The following ZNF888 variants were observed in gnomAD, a reference collection of about 807,000 sequenced individuals.
ZNF888 encodes zinc finger protein 888, also known as CTD-2331H12.6.
Under a neutral mutation model 7.2 loss-of-function variants are expected in ZNF888, and 5 were observed. That is an observed-to-expected ratio of 0.70 (90% CI 0.36 to 1.46). The LOEUF is 1.46. Ranked by LOEUF, ZNF888 falls within the 40% of genes most tolerant of loss-of-function variation. The pLI is 0.03. For synonymous variants in ZNF888, 240 were observed against 284.3 expected, an observed-to-expected ratio of 0.84 and a Z score of 1.57; for missense variants, 716 against 858.0, an observed-to-expected ratio of 0.83 and a Z score of 2.07.
Position 52,905,798 on chromosome 19 carries a change from C to G in ZNF888, c.*367G>C. On this transcript the variant is annotated 3_prime_UTR_variant, in exon 5 of 5. Transcript: ENST00000638862. Reference sequence around the variant, plus strand: ...TTTCTGATATTCTGCAAGGAGTGATCTCAGACTGAAGACCTTGCCACACTG... The same window carrying G: ...TTTCTGATATTCTGCAAGGAGTGATGTCAGACTGAAGACCTTGCCACACTG... 1 of 654,946 alleles carries G rather than the reference C, an allele frequency of 1.5e-6. No individual in the cohort carries two copies. The highest frequency in any genetic ancestry group is 1.4e-5 in the South Asian group (1 of 71,340). The allele number at this position is 654,946 out of a possible 1,614,324, so 40.6% of individuals were successfully genotyped here. A position where few individuals can be genotyped will look rare whatever the true frequency, so the allele number is the denominator to read the frequency against.
chr19:52,904,732 C>A lies in ZNF888; in HGVS notation c.*1433G>T, dbSNP rs2064588056. On this transcript the variant is annotated 3_prime_UTR_variant, in exon 5 of 5. Coordinates refer to ENST00000638862, the MANE Select transcript of ZNF888 (RefSeq NM_001393938.1). ...GGGTTTAGGCCAGGCAGGCCCAGGC[C>A]TGGTTTCAGGCCTGGCGCCGGGCTG... 6.6e-6 allele frequency: 1 copy of A among 152,170 alleles called. No homozygotes were observed. Among genetic ancestry groups the A allele is most frequent in the South Asian group, 2.1e-4 (1 of 4,830 alleles). 9.4% of individuals were successfully genotyped at this position (152,170 alleles called of 1,614,324 possible). A position where few individuals can be genotyped will look rare whatever the true frequency, so the allele number is the denominator to read the frequency against.
rs1450294999 is a variant in ZNF888, at chr19:52,919,503, C to T, written c.-177-566G>A. 8.5e-5 allele frequency among the ~76,000 whole-genome samples: 6 copies of T among 70,862 alleles called. 3 individuals are homozygous for T. Among genetic ancestry groups the T allele is most frequent in the Non-Finnish European group, 1.4e-4 (4 of 29,624 alleles). 46.5% of individuals were successfully genotyped at this position (70,862 alleles called of 152,430 possible). On this transcript the variant is annotated intron_variant, in intron 1 of 4. Transcript: ENST00000638862. ...GGAGTGCAGTGGCGTGATCTCCGCT[C>T]GCTACAACCTCCACCTCCCAGCCGC...
In ZNF888 at chr19:52,907,950, T is replaced by C. The variant is rs2064631486; in HGVS notation, c.372A>G (p.Gln124=). The C allele has an allele frequency of 1.2e-6, 2 of 1,614,192 alleles. No individual in the cohort carries two copies. Among genetic ancestry groups the C allele is most frequent in the East Asian group, 4.5e-5 (2 of 44,874 alleles). The change falls in exon 5 of 5, where the codon CAA becomes CAG. Residue 124 remains glutamine (Q), a synonymous_variant. Coordinates refer to ENST00000638862, the MANE Select transcript of ZNF888 (RefSeq NM_001393938.1). The part of the protein sequence containing the change: ...EIKELTGSTD[Q]YDQRHAGNKP... ...TGTTTCCAGCATGCCTTTGATCATA[T>C]TGGTCTGTACTACCCGTCAACTCTT...
chr19:52,917,981 G>T, intron 2 of ZNF888, 50 bp from the exon 3 acceptor site: 1 of 1,587,472 alleles, frequency 6.3e-7, no homozygotes, highest in Non-Finnish European at 8.5e-7. Flanking sequence ...ATTGCTCAGA[G>T]TCAACATACC....
In ZNF888 at chr19:52,906,471, G is replaced by C. The variant is rs1452220661; in HGVS notation, c.1851C>G (p.Ile617Met). ...TCCTATGTATTTCAAGGTGTGATTT[G>C]ATATTGAAAACTTTGTCACATTCTT... is the stretch of plus-strand genomic sequence containing the variant. ...KCEECDKVFNIKSHLEIHRRV... is the reference protein window; with the variant it reads ...KCEECDKVFNMKSHLEIHRRV... The change falls in exon 5 of 5, where the codon ATC becomes ATG. Residue 617 changes from isoleucine to methionine, a missense_variant. By Grantham distance (10) the Ile-to-Met change is conservative. Coordinates refer to ENST00000638862, the MANE Select transcript of ZNF888 (RefSeq NM_001393938.1). 5.0e-6 allele frequency: 8 copies of C among 1,612,938 alleles called. No individual in the cohort carries two copies. The highest frequency in any genetic ancestry group is 6.8e-6 in the Non-Finnish European group (8 of 1,179,532).
intron 1 of ZNF888, among the ~76,000 whole-genome samples, chr19:52,919,995 T>C (rs2064805228): frequency 2.1e-5 from 1 of 47,660 alleles, no homozygotes. Context: ...GAGGGGCGCC[T>C]CTGCCCGGCC....
intron 4 of ZNF888, among the ~76,000 whole-genome samples, chr19:52,910,044 G>A (rs1278604995): frequency 6.6e-6 from 1 of 150,606 alleles, no homozygotes; most frequent in Non-Finnish European, 1.5e-5. Flanking sequence ...ACTACTTGGG[G>A]GACCCGAGGC....
intron 4 of ZNF888, 77 bp from the exon 5 acceptor site, chr19:52,908,256 CA>C: frequency 3.7e-6 from 5 of 1,346,468 alleles, no homozygotes; most frequent in South Asian, 1.2e-5. Context: ...AATATGACAC[CA>C]AAAACAATAC....
chr19:52,908,857 A>AAC, intron 4 of ZNF888, among the ~76,000 whole-genome samples: 1 of 151,582 alleles, frequency 6.6e-6, no homozygotes, highest in Non-Finnish European at 1.5e-5. Context: ...AAAAAAAAAA[A>AAC]AAAAAAAGGC....
chr19:52,922,092 A>G (rs900801266), intron 1 of ZNF888, among the ~76,000 whole-genome samples: 4 of 152,114 alleles, frequency 2.6e-5, no homozygotes, highest in Non-Finnish European at 5.9e-5. Flanking sequence ...AGGCAGGTGG[A>G]TCACCTGAAG....
At chr19:52,908,783 TTGC>T in intron 4 of ZNF888, among the ~76,000 whole-genome samples, 123 of 147,830 alleles carry the variant, frequency 8.3e-4, no homozygotes, top group Non-Finnish European at 4.1e-4. Context: ...GAGGCAAAGG[TTGC>T]AGTGAGCCAA....
Position 52,908,056 on chromosome 19 carries a change from A to G in ZNF888, c.266T>C (p.Ile89Thr). The change falls in exon 5 of 5, where the codon ATT (isoleucine) becomes ACT (threonine). Residue 89 changes from isoleucine to threonine, a missense_variant. Physicochemically the swap from Ile to Thr is moderately conservative, Grantham distance 89. Coordinates refer to ENST00000638862, the MANE Select transcript of ZNF888 (RefSeq NM_001393938.1). ...HHIGECCFQE[I>T]EKDIHDFVFQ... is the part of the protein sequence containing the mutation. ...CACAAAGTCATGAATGTCTTTCTCA[A>G]TTTCCTGGAAGCAACATTCTCCAAT... 1 of 1,614,130 alleles carries G rather than the reference A, an allele frequency of 6.2e-7. No individual in the cohort carries two copies. The highest frequency in any genetic ancestry group is 8.5e-7 in the Non-Finnish European group (1 of 1,180,010).
In ZNF888 at chr19:52,907,467, A is replaced by G. The variant is rs1373520297; in HGVS notation, c.855T>C (p.Leu285=). Residue 285 remains leucine (L), a synonymous_variant, in exon 5 of 5, where the codon CTT becomes CTC. Coordinates refer to ENST00000638862, the MANE Select transcript of ZNF888 (RefSeq NM_001393938.1). ...CGKVFNKKAY[L]ARHYRRHTGE... Reference sequence around the variant, plus strand: ...CAGTATGACGTCTATAATGACGTGCAAGGTATGCTTTTTTATTAAAAACCT... The same window carrying G: ...CAGTATGACGTCTATAATGACGTGCGAGGTATGCTTTTTTATTAAAAACCT... 6 of 1,604,956 alleles carry G rather than the reference A, an allele frequency of 3.7e-6. No homozygotes were observed. The highest frequency in any genetic ancestry group is 1.7e-5 in the Admixed American group (1 of 58,384).
At position 52,917,273 on chromosome 19, in the gene ZNF888, C is replaced by T. The variant is rs2016456; in HGVS notation, c.15+586G>A. 952 of 172,062 alleles carry T rather than the reference C, an allele frequency of 5.5e-3. 11 individuals carry two copies. The highest frequency in any genetic ancestry group is 0.021 in the African/African-American group (870 of 41,934). 10.7% of individuals were successfully genotyped at this position (172,062 alleles called of 1,614,324 possible). ...TCAGGTCACTGCAACCTCCGCCTCC[C>T]GATTTCAAGTCATTCTTCTGCCTCA... On this transcript the variant is annotated intron_variant, in intron 3 of 4. Transcript: ENST00000638862.
Position 52,910,149 on chromosome 19 carries a change from CAAAAAAA to C in ZNF888, c.143-1977_143-1971del, listed in dbSNP as rs71335690. 6.0e-4 allele frequency among the ~76,000 whole-genome samples: 50 copies of C among 83,934 alleles called. 1 individual carries two copies. Among genetic ancestry groups the C allele is most frequent in the Admixed American group, 3.3e-3 (30 of 9,046 alleles). 55.1% of individuals were successfully genotyped at this position (83,934 alleles called of 152,430 possible). ...TGGGGACTAGAGCGAGACTTCGTCT[CAAAAAAA>C]AAAAAAAAAAAAAAAAAAAAAGAAC... On this transcript the variant is annotated intron_variant, in intron 4 of 4. Coordinates refer to ENST00000638862, the MANE Select transcript of ZNF888 (RefSeq NM_001393938.1).
chr19:52,911,369 T>C (rs28695724), intron 4 of ZNF888, among the ~76,000 whole-genome samples: 53,225 of 148,964 alleles, frequency 0.36, 10,489 homozygotes, highest in Non-Finnish European at 0.45. Context: ...GACGGAGTCT[T>C]GCTCTGTCGC....
Position 52,907,574 on chromosome 19 carries a change from C to T in ZNF888, c.748G>A (p.Asp250Asn). Reference sequence around the variant, plus strand: ...GCAAGGTATCGCTTCTGATTAAAGTCTTTGCCACATACATCACATTTATAT... The same window carrying T: ...GCAAGGTATCGCTTCTGATTAAAGTTTTTGCCACATACATCACATTTATAT... ...KQYKCDVCGK[D>N]FNQKRYLAHH... Residue 250 changes from aspartate (D) to asparagine (N), a missense_variant, in exon 5 of 5, where the codon GAC becomes AAC. Physicochemically the swap from Asp to Asn is conservative, Grantham distance 23. Coordinates refer to ENST00000638862, the MANE Select transcript of ZNF888 (RefSeq NM_001393938.1). The T allele has an allele frequency of 6.2e-7, 1 of 1,609,264 alleles. No individual in the cohort carries two copies. The highest frequency in any genetic ancestry group is 8.5e-7 in the Non-Finnish European group (1 of 1,178,004).
intron 4 of ZNF888, 62 bp from the exon 5 acceptor site, chr19:52,908,241 G>T: frequency 2.0e-6 from 3 of 1,468,314 alleles, no homozygotes; most frequent in Non-Finnish European, 2.8e-6. Flanking sequence ...ATACTGAAAC[G>T]TGTAAATATG....
In ZNF888 at chr19:52,923,274, G is replaced by A. The variant is rs546530747; in HGVS notation, c.-178+95C>T. The A allele has an allele frequency of 1.2e-5, 12 of 983,818 alleles. 1 individual carries two copies. The Admixed American group carries it at 1.8e-4, about 15-fold the overall frequency. 60.9% of individuals were successfully genotyped at this position (983,818 alleles called of 1,614,324 possible). On this transcript the variant is annotated intron_variant, in intron 1 of 4. Coordinates refer to ENST00000638862, the MANE Select transcript of ZNF888 (RefSeq NM_001393938.1). ...TTGCTCTTGTTGAAGGAAGAAGGGC[G>A]AGAATTTCCAGGTCTGTGGAGACCC...
Sources: gnomAD v4.1 joint callset for allele counts (sites outside exome capture counted in the v4.1 genomes callset) on GRCh38, gnomAD v4.1.1 for gene constraint, MANE v1.5 for transcripts, NCBI Gene and HGNC (gene_info 2026-07-23, HGNC 2026-07-21) for gene names.